The following UGT1A6 variants were observed in gnomAD, a reference collection of about 807,000 sequenced individuals.
UGT1A6 encodes the protein UDP glucuronosyltransferase family 1 member A6, also known as UDP-glucuronosyltransferase 1A6.
A neutral mutation model predicts 44.4 loss-of-function variants in UGT1A6; 32 were observed. The observed-to-expected ratio is 0.72, with a 90% CI of 0.54 to 0.97. The LOEUF (loss-of-function observed/expected upper bound fraction) is 0.97, where lower values mean the gene tolerates loss of function less well. Among genes scored for constraint, UGT1A6 ranks in the 50% least tolerant of loss-of-function variants. The probability of loss-of-function intolerance (pLI) is 0.00; values close to 1 mark genes in which losing one functional copy is unlikely to be tolerated. For missense variants in UGT1A6, 685 were observed against 661.9 expected, an observed-to-expected ratio of 1.03 and a Z score of -0.38; for synonymous variants, 238 against 248.5, an observed-to-expected ratio of 0.96 and a Z score of 0.40.
At chr2:233,694,929 A>T (rs1032290740) in intron 1 of UGT1A6, among the ~76,000 whole-genome samples, 2 of 152,240 alleles carry the variant, frequency 1.3e-5, no homozygotes, top group African/African-American at 4.8e-5. Context: ...CGATGATCAA[A>T]TCAGGGTAAT....
intron 1 of UGT1A6, chr2:233,755,156 G>A: frequency 7.7e-7 from 1 of 1,294,130 alleles, no homozygotes; most frequent in Middle Eastern, 2.2e-4. Context: ...CTTCCTCCCT[G>A]TCCTCGGGGT....
intron 1 of UGT1A6, among the ~76,000 whole-genome samples, chr2:233,747,054 T>C (rs1171712187): frequency 6.6e-6 from 1 of 151,960 alleles, no homozygotes; most frequent in Non-Finnish European, 1.5e-5. Flanking sequence ...AAGACAATGA[T>C]TGGTTAATCG....
chr2:233,750,847 G>C (rs534611009), intron 1 of UGT1A6: 1 of 152,014 alleles, frequency 6.6e-6, no homozygotes, highest in African/African-American at 2.4e-5. Flanking sequence ...GGAAATGCTT[G>C]GATGTCCAGG....
At chr2:233,732,055 A>G (rs2078232493) in intron 1 of UGT1A6, among the ~76,000 whole-genome samples, 1 of 152,104 alleles carries the variant, frequency 6.6e-6, no homozygotes, top group African/African-American at 2.4e-5. Flanking sequence ...GCATTTATTC[A>G]TGTGTCTGTT....
intron 1 of UGT1A6, among the ~76,000 whole-genome samples, chr2:233,766,177 G>A (rs937937765): frequency 5.3e-5 from 8 of 152,156 alleles, no homozygotes; most frequent in African/African-American, 1.9e-4. Context: ...AGGATTTATT[G>A]AGTGGATGTA....
At chr2:233,750,427 C>A (rs900891099) in intron 1 of UGT1A6, among the ~76,000 whole-genome samples, 6 of 151,902 alleles carry the variant, frequency 3.9e-5, no homozygotes, top group African/African-American at 1.5e-4. Flanking sequence ...AAGAAAAACC[C>A]ATTTTATGGG....
At chr2:233,770,026 C>T (rs371960443) in intron 4 of UGT1A6, 2 of 158,948 alleles carry the variant, frequency 1.3e-5, no homozygotes, top group South Asian at 1.9e-4. Flanking sequence ...TTTCCCTGCA[C>T]TGTTGAAGCT....
intron 1 of UGT1A6, among the ~76,000 whole-genome samples, chr2:233,699,217 A>G (rs17863786): frequency 0.034 from 5,148 of 152,236 alleles, 109 homozygotes; most frequent in African/African-American, 0.056. Flanking sequence ...CATGAAAAAA[A>G]AACAAAAACG....
chr2:233,755,042 G>GCCGCCCT (rs756876543), intron 1 of UGT1A6: 2 of 1,323,886 alleles, frequency 1.5e-6, no homozygotes, highest in African/African-American at 3.0e-5. Context: ...CGCCTGCGCA[G>GCCGCCCT]CCGCCCTCCG....
chr2:233,764,622 A>G (rs1698606670), intron 1 of UGT1A6, among the ~76,000 whole-genome samples: 1 of 152,124 alleles, frequency 6.6e-6, no homozygotes. Flanking sequence ...GGTTTCATGA[A>G]GAGCAAAGGT....
chr2:233,724,897 A>G (rs1186168071), intron 1 of UGT1A6, among the ~76,000 whole-genome samples: 1 of 137,504 alleles, frequency 7.3e-6, no homozygotes, highest in Non-Finnish European at 1.5e-5. Flanking sequence ...ACTGCACTCC[A>G]GCCTGGGCAC....
chr2:233,699,578 A>G (rs2075513804), intron 1 of UGT1A6, among the ~76,000 whole-genome samples: 1 of 152,218 alleles, frequency 6.6e-6, no homozygotes, highest in Non-Finnish European at 1.5e-5. Context: ...TGGCTCTAGG[A>G]CATCCTTTCT....
intron 3 of UGT1A6, 94 bp from the exon 4 acceptor site, chr2:233,768,126 C>T: frequency 6.2e-7 from 1 of 1,604,728 alleles, no homozygotes; most frequent in Non-Finnish European, 8.5e-7. Flanking sequence ...ATGTGAGTAA[C>T]ACTGAGTCTT....
intron 1 of UGT1A6, chr2:233,747,520 CAG>C (rs1211118425): frequency 1.2e-6 from 2 of 1,606,826 alleles, no homozygotes; most frequent in African/African-American, 2.7e-5. Flanking sequence ...TACTTTGAAA[CAG>C]AACATTTTCT....
At chr2:233,771,760 C>T (rs1700368197) in intron 4 of UGT1A6, 1 of 153,596 alleles carries the variant, frequency 6.5e-6, no homozygotes, top group Non-Finnish European at 1.4e-5. Context: ...CCCTTCCTTC[C>T]TCCGTCCCTC....
At chr2:233,760,144 TG>T in intron 1 of UGT1A6, 1 of 1,433,916 alleles carries the variant, frequency 7.0e-7, no homozygotes, top group Non-Finnish European at 9.3e-7. Flanking sequence ...TCTCTGAAAG[TG>T]AACTCCCTGC....
At chr2:233,719,518 G>A (rs751977605) in intron 1 of UGT1A6, 2 of 1,613,954 alleles carry the variant, frequency 1.2e-6, no homozygotes, top group Non-Finnish European at 1.7e-6. Context: ...CCTTATGCAA[G>A]TCTTGCCTCT....
chr2:233,705,733 G>A (rs931204159), intron 1 of UGT1A6, among the ~76,000 whole-genome samples: 1 of 152,162 alleles, frequency 6.6e-6, no homozygotes, highest in Admixed American at 6.5e-5. Flanking sequence ...AATACCCTGA[G>A]CAGGTAGGTC....
At chr2:233,757,567 T>TATATATATATATATATATATATA (rs1553619947) in intron 1 of UGT1A6, among the ~76,000 whole-genome samples, 8 of 142,914 alleles carry the variant, frequency 5.6e-5, no homozygotes, top group Non-Finnish European at 1.1e-4. Context: ...TATATGTATA[T>TATATATATATATATATATATATA]ATGATATAGC....
Sources: gnomAD v4.1 joint callset for allele counts (sites outside exome capture counted in the v4.1 genomes callset) on GRCh38, gnomAD v4.1.1 for gene constraint, MANE v1.5 for transcripts, NCBI Gene and HGNC (gene_info 2026-07-23, HGNC 2026-07-21) for gene names.